LHFPL6: variants seen among roughly 807,000 people sequenced by gnomAD.
LHFPL6 encodes the protein LHFPL tetraspan subfamily member 6 protein.
LHFPL6 carries 9 observed loss-of-function variants against 20.6 expected under a neutral mutation model. The ratio of observed to expected loss-of-function variants is 0.44; its 90% CI spans 0.26 to 0.76. The LOEUF is 0.76. LHFPL6 is among the 30% of genes least tolerant of loss of function. The probability of loss-of-function intolerance (pLI) is 0.20; values close to 1 mark genes in which losing one functional copy is unlikely to be tolerated. For synonymous variants in LHFPL6, 105 were observed against 98.7 expected (o/e 1.06, Z -0.38); for missense variants, 218 against 253.5 (o/e 0.86, Z 0.95).
At chr13:39,482,385 G>T (rs2138446275) in intron 2 of LHFPL6, among the ~76,000 whole-genome samples, 1 of 152,002 alleles carries the variant, frequency 6.6e-6, no homozygotes, top group African/African-American at 2.4e-5. Context: ...GGAGGTTGTG[G>T]TGAGCCAAGA....
At chr13:39,442,042 T>C (rs1045250510) in intron 2 of LHFPL6, among the ~76,000 whole-genome samples, 1 of 151,900 alleles carries the variant, frequency 6.6e-6, no homozygotes, top group Admixed American at 6.6e-5. Context: ...TTAGCCAGGC[T>C]GGTCTCAAAC....
chr13:39,467,429 C>T (rs1872832540), intron 2 of LHFPL6, among the ~76,000 whole-genome samples: 4 of 152,112 alleles, frequency 2.6e-5, no homozygotes, highest in Non-Finnish European at 5.9e-5. Flanking sequence ...TGTGTTGGGG[C>T]TCAGCAAACA....
intron 2 of LHFPL6, among the ~76,000 whole-genome samples, chr13:39,555,425 A>T (rs1410105510): frequency 1.3e-5 from 2 of 151,876 alleles, no homozygotes; most frequent in African/African-American, 4.8e-5. Flanking sequence ...ATATTATAGC[A>T]TTCAGATGAA....
chr13:39,504,794 A>G (rs2138467502), intron 2 of LHFPL6, among the ~76,000 whole-genome samples: 1 of 152,340 alleles, frequency 6.6e-6, no homozygotes, highest in South Asian at 2.1e-4. Flanking sequence ...CACACTTCTA[A>G]TTCTAGTACT....
intron 2 of LHFPL6, among the ~76,000 whole-genome samples, chr13:39,501,916 G>A (rs1002589746): frequency 6.6e-6 from 1 of 152,188 alleles, no homozygotes; most frequent in Non-Finnish European, 1.5e-5. Flanking sequence ...GATCAAAGGG[G>A]ACCTGGGCTC....
chr13:39,454,009 C>T (rs1209276289), intron 2 of LHFPL6, among the ~76,000 whole-genome samples: 2 of 126,758 alleles, frequency 1.6e-5, no homozygotes, highest in Non-Finnish European at 3.6e-5. Flanking sequence ...ATTGCATCCC[C>T]TAGGCAAATG....
intron 2 of LHFPL6, among the ~76,000 whole-genome samples, chr13:39,405,689 A>C (rs897940665): frequency 3.9e-5 from 6 of 152,232 alleles, no homozygotes; most frequent in Non-Finnish European, 5.9e-5. Context: ...ACAAACAAAC[A>C]GACCAAAAGA....
chr13:39,516,683 A>C (rs2138481160), intron 2 of LHFPL6, among the ~76,000 whole-genome samples: 1 of 152,358 alleles, frequency 6.6e-6, no homozygotes, highest in Admixed American at 6.5e-5. Flanking sequence ...CATGCTCGAT[A>C]ACCTTGGCCA....
chr13:39,519,642 G>A (rs1184704540), intron 2 of LHFPL6, among the ~76,000 whole-genome samples: 1 of 152,072 alleles, frequency 6.6e-6, no homozygotes, highest in Non-Finnish European at 1.5e-5. Flanking sequence ...AAATTGTGAA[G>A]CTAAATATGA....
chr13:39,454,628 CAAAAAAAAAAA>C (rs57933417), intron 2 of LHFPL6, among the ~76,000 whole-genome samples: 3 of 68,514 alleles, frequency 4.4e-5, no homozygotes, highest in Non-Finnish European at 1.0e-4. Context: ...GACTCCGTCT[CAAAAAAAAAAA>C]AAAAAAAAAA....
intron 2 of LHFPL6, among the ~76,000 whole-genome samples, chr13:39,435,662 C>A (rs553219954): frequency 1.3e-5 from 2 of 152,018 alleles, no homozygotes; most frequent in Non-Finnish European, 2.9e-5. Flanking sequence ...ACATAGACAG[C>A]GAAATACGAA....
At chr13:39,575,997 C>T (rs558438853) in intron 2 of LHFPL6, among the ~76,000 whole-genome samples, 2 of 152,314 alleles carry the variant, frequency 1.3e-5, no homozygotes, top group East Asian at 3.9e-4. Flanking sequence ...CTAGAGGAGG[C>T]ATCTCTTCCT....
At position 39,587,500 on chromosome 13, in the gene LHFPL6, A is replaced by G. The variant is rs1872486504; in HGVS notation, c.385+13332T>C. Among the ~76,000 whole-genome samples the G allele has an allele frequency of 2.0e-5, 3 of 152,128 alleles. 1 individual carries two copies. The South Asian group carries it at 6.2e-4, about 32-fold the overall frequency. ...GACCCTGGACATTCCTAGATTAAAC[A>G]TCTGTGATTTTGGTCTAGTCACCAA... On this transcript the variant is annotated intron_variant, in intron 2 of 3. Transcript: ENST00000379589.
chr13:39,475,519 T>G (rs116888400), intron 2 of LHFPL6, among the ~76,000 whole-genome samples: 25 of 152,118 alleles, frequency 1.6e-4, no homozygotes, highest in Non-Finnish European at 3.5e-4. Context: ...CAGAATACAA[T>G]GATTTAACAT....
At chr13:39,419,755 T>C (rs1871433663) in intron 2 of LHFPL6, among the ~76,000 whole-genome samples, 1 of 152,206 alleles carries the variant, frequency 6.6e-6, no homozygotes, top group Non-Finnish European at 1.5e-5. Flanking sequence ...TTAACAATCA[T>C]ATTCTCCTGC....
intron 3 of LHFPL6, among the ~76,000 whole-genome samples, chr13:39,356,967 C>T (rs532880317): frequency 6.6e-6 from 1 of 152,232 alleles, no homozygotes; most frequent in South Asian, 2.1e-4. Context: ...CTCAGAAGTT[C>T]GAGACCACCT....
At chr13:39,556,720 T>C (rs1871313385) in intron 2 of LHFPL6, among the ~76,000 whole-genome samples, 1 of 152,102 alleles carries the variant, frequency 6.6e-6, no homozygotes, top group Non-Finnish European at 1.5e-5. Context: ...CCCAGCAATT[T>C]GGGAAGCTGA....
intron 2 of LHFPL6, among the ~76,000 whole-genome samples, chr13:39,565,937 A>G (rs1001621686): frequency 2.1e-4 from 32 of 152,238 alleles, no homozygotes; most frequent in Non-Finnish European, 4.4e-4. Flanking sequence ...TGCCAAATAA[A>G]AAGAGACCAA....
At chr13:39,517,222 A>G (rs920870678) in intron 2 of LHFPL6, among the ~76,000 whole-genome samples, 5 of 152,324 alleles carry the variant, frequency 3.3e-5, no homozygotes, top group African/African-American at 1.2e-4. Flanking sequence ...TTTAAAATGC[A>G]ATTTGCTGAT....
Sources: gnomAD v4.1 joint callset for allele counts (sites outside exome capture counted in the v4.1 genomes callset) on GRCh38, gnomAD v4.1.1 for gene constraint, MANE v1.5 for transcripts, NCBI Gene and HGNC (gene_info 2026-07-23, HGNC 2026-07-21) for gene names.